GPC6: variants seen among roughly 807,000 people sequenced by gnomAD.
GPC6 encodes the protein glypican 6, also known as glypican-6.
A neutral mutation model predicts 55.2 loss-of-function variants in GPC6; 14 were observed. The ratio of observed to expected loss-of-function variants is 0.25; its 90% CI spans 0.17 to 0.40. The LOEUF (loss-of-function observed/expected upper bound fraction) is 0.40, where lower values mean the gene tolerates loss of function less well. Ranked by LOEUF, GPC6 falls within the 10% of genes least tolerant of loss-of-function variation. The probability of loss-of-function intolerance (pLI) is 1.00; values close to 1 mark genes in which losing one functional copy is unlikely to be tolerated. For missense variants in GPC6, 641 were observed against 708.5 expected, an observed-to-expected ratio of 0.90 and a Z score of 1.08; for synonymous variants, 278 against 259.6, an observed-to-expected ratio of 1.07 and a Z score of -0.68.
At chr13:93,912,733 A>G (rs1032666264) in intron 3 of GPC6, among the ~76,000 whole-genome samples, 1 of 151,938 alleles carries the variant, frequency 6.6e-6, no homozygotes, top group Non-Finnish European at 1.5e-5. Flanking sequence ...ACAGATAGAG[A>G]CTCCGTCTCA....
At chr13:93,891,723 G>A (rs183673194) in intron 3 of GPC6, among the ~76,000 whole-genome samples, 2 of 151,502 alleles carry the variant, frequency 1.3e-5, no homozygotes, top group East Asian at 3.9e-4. Flanking sequence ...TGTGCATACA[G>A]TGTGTGTGTG....
intron 6 of GPC6, among the ~76,000 whole-genome samples, chr13:94,325,260 T>C (rs1432242091): frequency 6.6e-6 from 1 of 152,128 alleles, no homozygotes; most frequent in Non-Finnish European, 1.5e-5. Flanking sequence ...TTCAGAGAAT[T>C]CTATGATGAA....
intron 3 of GPC6, among the ~76,000 whole-genome samples, chr13:93,851,119 T>A (rs1888378285): frequency 6.6e-6 from 1 of 151,932 alleles, no homozygotes; most frequent in Non-Finnish European, 1.5e-5. Flanking sequence ...ATAACAGGAC[T>A]TTTTAAAAAA....
chr13:93,935,635 C>T (rs137891928), intron 3 of GPC6, among the ~76,000 whole-genome samples: 15 of 152,214 alleles, frequency 9.9e-5, no homozygotes, highest in South Asian at 2.1e-4. Context: ...AAATTACATA[C>T]GCAATTCACA....
At chr13:94,183,481 TG>T (rs1889066453) in intron 4 of GPC6, among the ~76,000 whole-genome samples, 1 of 152,260 alleles carries the variant, frequency 6.6e-6, no homozygotes, top group Non-Finnish European at 1.5e-5. Context: ...AGCCTGGAGC[TG>T]TTTCTACCTT....
At chr13:93,567,471 A>G (rs1876186640) in intron 2 of GPC6, among the ~76,000 whole-genome samples, 1 of 149,886 alleles carries the variant, frequency 6.7e-6, no homozygotes, top group African/African-American at 2.5e-5. Context: ...CTATTGTTCT[A>G]TTGAAACTTT....
At chr13:94,252,443 A>G (rs1384090586) in intron 4 of GPC6, among the ~76,000 whole-genome samples, 1 of 152,146 alleles carries the variant, frequency 6.6e-6, no homozygotes, top group Non-Finnish European at 1.5e-5. Context: ...ACGCAATAAA[A>G]GGGGATTTTT....
At chr13:93,622,506 A>T (rs368225898) in intron 2 of GPC6, among the ~76,000 whole-genome samples, 1 of 48,022 alleles carries the variant, frequency 2.1e-5, no homozygotes, top group Admixed American at 1.5e-4. Context: ...AAGCATATAC[A>T]CACCCACACA....
At chr13:94,048,311 A>C (rs1412722941) in intron 4 of GPC6, among the ~76,000 whole-genome samples, 1 of 152,104 alleles carries the variant, frequency 6.6e-6, no homozygotes, top group Non-Finnish European at 1.5e-5. Context: ...GGATAAAATG[A>C]TAATGTCAAA....
At chr13:94,199,844 G>A (rs543220445) in intron 4 of GPC6, among the ~76,000 whole-genome samples, 10 of 152,162 alleles carry the variant, frequency 6.6e-5, no homozygotes, top group Admixed American at 2.0e-4. Context: ...AAACTGGAAG[G>A]CAGAGTTTCT....
intron 1 of GPC6, among the ~76,000 whole-genome samples, chr13:93,287,423 G>T (rs1473757155): frequency 6.6e-6 from 1 of 152,150 alleles, no homozygotes; most frequent in Non-Finnish European, 1.5e-5. Flanking sequence ...AGGCCTCCCC[G>T]CCTGGTGTCT....
At chr13:93,347,241 T>G (rs1880461091) in intron 1 of GPC6, among the ~76,000 whole-genome samples, 1 of 152,172 alleles carries the variant, frequency 6.6e-6, no homozygotes, top group Non-Finnish European at 1.5e-5. Flanking sequence ...TTAGATGAAA[T>G]AAACGGTCTA....
chr13:93,453,850 A>T (rs1050369872), intron 1 of GPC6, among the ~76,000 whole-genome samples: 4 of 152,016 alleles, frequency 2.6e-5, no homozygotes, highest in African/African-American at 9.7e-5. Context: ...TATTGCAAAG[A>T]GCAAAAGAAC....
chr13:94,297,791 C>G (rs1875423579), intron 5 of GPC6, among the ~76,000 whole-genome samples: 1 of 152,050 alleles, frequency 6.6e-6, no homozygotes, highest in African/African-American at 2.4e-5. Context: ...TCAGTAGAAC[C>G]CAAAATTCTC....
chr13:94,003,356 C>T (rs1881887179), intron 3 of GPC6, among the ~76,000 whole-genome samples: 5 of 152,114 alleles, frequency 3.3e-5, no homozygotes. Context: ...GAATGATGCA[C>T]ACTGCTGGAA....
At chr13:93,855,528 C>T (rs1038127635) in intron 3 of GPC6, among the ~76,000 whole-genome samples, 3 of 151,634 alleles carry the variant, frequency 2.0e-5, no homozygotes, top group African/African-American at 7.2e-5. Flanking sequence ...GTTTTCAGTT[C>T]CTTTGGGAAA....
chr13:94,035,896 A>C (rs1883316689), intron 4 of GPC6, among the ~76,000 whole-genome samples: 1 of 151,982 alleles, frequency 6.6e-6, no homozygotes, highest in East Asian at 1.9e-4. Context: ...TATTTGAGTC[A>C]TTTTTGAAAT....
At position 93,818,196 on chromosome 13, in the gene GPC6, A is replaced by G. The variant is rs372066459; in HGVS notation, c.320-11958A>G. On this transcript the variant is annotated intron_variant, in intron 2 of 8. Coordinates refer to ENST00000377047, the MANE Select transcript of GPC6 (RefSeq NM_005708.5). ...GAATATACAAAAATATTACTTTTCAATTTCTTTTTTTAAACTCTCATAATG... is the reference window on the plus strand; with the variant it reads ...GAATATACAAAAATATTACTTTTCAGTTTCTTTTTTTAAACTCTCATAATG... Among the ~76,000 whole-genome samples the G allele has an allele frequency of 7.3e-5, 11 of 151,006 alleles. No homozygotes were observed. In the East Asian group the frequency reaches 2.1e-3, roughly 29 times the overall value.
intron 3 of GPC6, among the ~76,000 whole-genome samples, chr13:93,962,636 G>T (rs905716368): frequency 2.0e-5 from 3 of 152,070 alleles, no homozygotes; most frequent in African/African-American, 7.2e-5. Flanking sequence ...TGGTGACATG[G>T]ATTAACATGT....
Sources: allele counts gnomAD v4.1 joint callset (sites outside exome capture counted in the v4.1 genomes callset), GRCh38; gene constraint gnomAD v4.1.1; transcripts MANE v1.5; gene names NCBI Gene and HGNC (gene_info 2026-07-23, HGNC 2026-07-21).